The following PLCG2 variants were observed in gnomAD, a reference collection of about 807,000 sequenced individuals.
PLCG2 encodes the protein 1-phosphatidylinositol 4,5-bisphosphate phosphodiesterase gamma-2.
PLCG2 carries 69 observed loss-of-function variants against 175.6 expected under a neutral mutation model. That is an observed-to-expected ratio of 0.39 (90% confidence interval 0.32 to 0.48). The LOEUF is 0.48. PLCG2 is among the 20% of genes least tolerant of loss of function. PLCG2 has a pLI of 0.91. For synonymous variants in PLCG2, 827 were observed against 624.0 expected (o/e 1.33, Z -4.85); for missense variants, 1,798 against 1,650.9 (o/e 1.09, Z -1.54).
At chr16:81,849,163 G>T (rs1906271215) in intron 2 of PLCG2, among the ~76,000 whole-genome samples, 1 of 152,150 alleles carries the variant, frequency 6.6e-6, no homozygotes, top group Admixed American at 6.5e-5. Context: ...GTCACGGGAA[G>T]GCTTGATCCC....
chr16:81,934,654 G>T (rs919259548), intron 26 of PLCG2, 123 bp downstream of exon 26: 2 of 686,434 alleles, frequency 2.9e-6, no homozygotes, highest in Non-Finnish European at 5.1e-6. Context: ...CCAGTAGATG[G>T]CCCCACCTTG....
chr16:81,930,344 A>G (rs7204115), intron 24 of PLCG2, among the ~76,000 whole-genome samples: 6,448 of 152,090 alleles, frequency 0.042, 350 homozygotes, highest in African/African-American at 0.12. Flanking sequence ...CCCACGCCAC[A>G]TTTCTCTCCT....
chr16:81,935,475 A>G, intron 26 of PLCG2: 3 of 956,234 alleles, frequency 3.1e-6, no homozygotes, highest in Non-Finnish European at 3.7e-6. Flanking sequence ...AAGCTTTTTG[A>G]TGATGCTGTA....
chr16:81,757,941 C>G (rs960690751), intron 2 of PLCG2, among the ~76,000 whole-genome samples: 8 of 152,144 alleles, frequency 5.3e-5, no homozygotes, highest in African/African-American at 1.7e-4. Flanking sequence ...GCTTCTTTCA[C>G]TTAGCATCAT....
At chr16:81,769,883 C>A (rs1376291638) in intron 2 of PLCG2, among the ~76,000 whole-genome samples, 1 of 150,932 alleles carries the variant, frequency 6.6e-6, no homozygotes, top group Non-Finnish European at 1.5e-5. Context: ...AGTTCTGCCA[C>A]CACTGGTGTT....
chr16:81,940,304 G>C (rs1195478431), intron 30 of PLCG2, among the ~76,000 whole-genome samples: 1 of 152,130 alleles, frequency 6.6e-6, no homozygotes, highest in African/African-American at 2.4e-5. Flanking sequence ...GATTGTTAGT[G>C]GATCCTCAAC....
intron 2 of PLCG2, among the ~76,000 whole-genome samples, chr16:81,836,238 C>G (rs1905509377): frequency 6.6e-6 from 1 of 152,250 alleles, no homozygotes; most frequent in African/African-American, 2.4e-5. Flanking sequence ...AACTGAGGCC[C>G]AGGGAGGTAA....
intron 5 of PLCG2, among the ~76,000 whole-genome samples, chr16:81,859,597 T>C (rs76829509): frequency 5.3e-5 from 8 of 151,496 alleles, no homozygotes; most frequent in East Asian, 1.9e-4. Context: ...TGCAGTGGCA[T>C]GATCTCAGCT....
intron 19 of PLCG2, among the ~76,000 whole-genome samples, chr16:81,917,146 T>C (rs893245060): frequency 6.6e-6 from 1 of 152,170 alleles, no homozygotes; most frequent in African/African-American, 2.4e-5. Context: ...TCCTGTGGTA[T>C]TTGTTTTTCT....
chr16:81,873,659 G>A (rs1907627886), intron 7 of PLCG2, among the ~76,000 whole-genome samples: 1 of 152,134 alleles, frequency 6.6e-6, no homozygotes, highest in South Asian at 2.1e-4. Context: ...GCTGGGAGCA[G>A]TAGCTCACGC....
chr16:81,887,241 T>G (rs1223004306), intron 9 of PLCG2, among the ~76,000 whole-genome samples: 1 of 151,734 alleles, frequency 6.6e-6, no homozygotes, highest in African/African-American at 2.4e-5. Flanking sequence ...TGCCTCAGCC[T>G]CCCGAGTACC....
chr16:81,906,327 T>G (rs1909369729), intron 15 of PLCG2: 1 of 152,266 alleles, frequency 6.6e-6, no homozygotes, highest in African/African-American at 2.4e-5. Flanking sequence ...ATGCTGCCTC[T>G]ATCCCTTTAC....
At chr16:81,909,045 T>G (rs1220320281) in intron 17 of PLCG2, among the ~76,000 whole-genome samples, 3 of 152,198 alleles carry the variant, frequency 2.0e-5, no homozygotes. Flanking sequence ...TGTGATGAGC[T>G]TGTGCATTCA....
intron 30 of PLCG2, among the ~76,000 whole-genome samples, chr16:81,945,132 C>G (rs995359399): frequency 6.6e-6 from 1 of 152,146 alleles, no homozygotes; most frequent in South Asian, 2.1e-4. Context: ...TGTGACCTTC[C>G]TCTTCATAAG....
Position 81,912,593 on chromosome 16 carries a change from G to A in PLCG2, c.1935-4G>A, listed in dbSNP as rs762488045. The A allele has an allele frequency of 2.3e-5, 37 of 1,612,280 alleles. No homozygotes were observed. Among genetic ancestry groups the A allele is most frequent in the Admixed American group, 5.0e-5 (3 of 59,822 alleles). ...TGGTCGTTTTCCCTGGCCCTGTGCC[G>A]CAGGTGGTACTATGACAGCCTGAGC... On this transcript the variant is annotated splice_polypyrimidine_tract_variant and splice_region_variant and intron_variant, in intron 18 of 32. Transcript: ENST00000564138.
At chr16:81,780,424 C>G in intron 1 of PLCG2, among the ~76,000 whole-genome samples, 1 of 152,204 alleles carries the variant, frequency 6.6e-6, no homozygotes, top group East Asian at 1.9e-4. Context: ...AGGGCATTCT[C>G]TGGGGCATGG....
At chr16:81,749,088 C>T (rs1909757727) in intron 1 of PLCG2, among the ~76,000 whole-genome samples, 1 of 152,058 alleles carries the variant, frequency 6.6e-6, no homozygotes, top group African/African-American at 2.4e-5. Flanking sequence ...CAAGGGGGCC[C>T]CTCAGTCAGG....
intron 2 of PLCG2, among the ~76,000 whole-genome samples, chr16:81,822,901 C>G (rs1161993404): frequency 1.3e-5 from 2 of 152,202 alleles, no homozygotes; most frequent in South Asian, 2.1e-4. Flanking sequence ...CAGGCGGCCA[C>G]TGCAAGGTGA....
At chr16:81,787,788 C>T (rs1253097826) in intron 2 of PLCG2, among the ~76,000 whole-genome samples, 2 of 152,058 alleles carry the variant, frequency 1.3e-5, no homozygotes, top group Non-Finnish European at 2.9e-5. Flanking sequence ...TTTCTATAAA[C>T]CTCTCTATTC....
Sources: gnomAD v4.1 joint callset for allele counts (sites outside exome capture counted in the v4.1 genomes callset) on GRCh38, gnomAD v4.1.1 for gene constraint, MANE v1.5 for transcripts, NCBI Gene and HGNC (gene_info 2026-07-23, HGNC 2026-07-21) for gene names.